JPH1: variants seen among roughly 807,000 people sequenced by gnomAD.
JPH1 encodes the protein junctophilin-1.
A neutral mutation model predicts 53.6 loss-of-function variants in JPH1; 12 were observed. The ratio of observed to expected loss-of-function variants is 0.22; its 90% CI spans 0.14 to 0.36. JPH1 has a LOEUF of 0.36. Ranked by LOEUF, JPH1 falls within the 10% of genes least tolerant of loss-of-function variation. JPH1 has a pLI of 1.00. For missense variants in JPH1, 808 were observed against 905.5 expected (o/e 0.89, Z 1.38); for synonymous variants, 375 against 363.8 (o/e 1.03, Z -0.35).
intron 2 of JPH1, among the ~76,000 whole-genome samples, chr8:74,310,920 T>C (rs1032864659): frequency 1.3e-5 from 2 of 152,190 alleles, no homozygotes; most frequent in African/African-American, 4.8e-5. Flanking sequence ...TGTTGTGATC[T>C]TGGGTAGAGC....
intron 4 of JPH1, among the ~76,000 whole-genome samples, chr8:74,239,963 T>C (rs570152697): frequency 8.5e-5 from 13 of 152,274 alleles, no homozygotes; most frequent in African/African-American, 2.6e-4. Context: ...ACAATCCAAT[T>C]ATACTCTTTT....
chr8:74,310,400 CT>C (rs1437960396), intron 2 of JPH1, among the ~76,000 whole-genome samples: 1 of 152,024 alleles, frequency 6.6e-6, no homozygotes, highest in Admixed American at 6.6e-5. Flanking sequence ...AACACAGTAC[CT>C]TTTGGAGCAG....
Position 74,320,805 on chromosome 8 carries a change from T to C in JPH1, c.379+104A>G. ...AGGCGCCCCCAGGTGTTTTGGCGGGTTTCCGGACACGTGCGCCCGGCGTCC... is the reference window on the plus strand; with the variant it reads ...AGGCGCCCCCAGGTGTTTTGGCGGGCTTCCGGACACGTGCGCCCGGCGTCC... On this transcript the variant is annotated intron_variant, in intron 1 of 5. Coordinates refer to ENST00000342232, the MANE Select transcript of JPH1 (RefSeq NM_020647.4). This position sits in a 1 kb window ranked among gnomAD's most constrained non-coding sequence, Gnocchi z 4.4. 1 of 1,304,410 alleles carries C rather than the reference T, an allele frequency of 7.7e-7. No homozygotes were observed. The highest frequency in any genetic ancestry group is 9.9e-7 in the Non-Finnish European group (1 of 1,011,650). The allele number at this position is 1,304,410 out of a possible 1,614,324, so 80.8% of individuals were successfully genotyped here.
chr8:74,272,600 CTTTT>C (rs765158506), intron 2 of JPH1, among the ~76,000 whole-genome samples: 2 of 112,682 alleles, frequency 1.8e-5, no homozygotes, highest in Admixed American at 9.4e-5. Context: ...ACCCTTAGTT[CTTTT>C]TTTTTTTTTT....
At chr8:74,263,188 C>A (rs1276450178) in intron 2 of JPH1, among the ~76,000 whole-genome samples, 1 of 152,168 alleles carries the variant, frequency 6.6e-6, no homozygotes, top group Non-Finnish European at 1.5e-5. Flanking sequence ...ACTCACATAG[C>A]TGATAAAGAT....
At chr8:74,280,361 T>C (rs1235134903) in intron 2 of JPH1, among the ~76,000 whole-genome samples, 1 of 152,194 alleles carries the variant, frequency 6.6e-6, no homozygotes, top group Non-Finnish European at 1.5e-5. Context: ...TGGGGGACTT[T>C]GCCATCCTCA....
chr8:74,300,782 CAA>C (rs1240236411), intron 2 of JPH1, among the ~76,000 whole-genome samples: 1 of 152,158 alleles, frequency 6.6e-6, no homozygotes, highest in Non-Finnish European at 1.5e-5. Context: ...GAGGAATTCA[CAA>C]AAGAGTAGAG....
intron 2 of JPH1, among the ~76,000 whole-genome samples, chr8:74,314,580 G>A (rs1389095986): frequency 6.6e-6 from 1 of 152,178 alleles, no homozygotes; most frequent in East Asian, 1.9e-4. Context: ...TGAGCACAGG[G>A]TCTCAGTGAA....
At chr8:74,274,389 A>G (rs183893455) in intron 2 of JPH1, among the ~76,000 whole-genome samples, 117 of 152,348 alleles carry the variant, frequency 7.7e-4, no homozygotes, top group Non-Finnish European at 1.4e-3. Flanking sequence ...TCAAAGACCA[A>G]TTTCCAGATA....
rs868725849 is a variant in JPH1 at position 74,244,385 on chromosome 8, T to A, written c.1905+144A>T. The A allele has an allele frequency of 8.6e-5, 69 of 801,156 alleles. No individual in the cohort carries two copies. In the African/African-American group the frequency reaches 1.0e-3, roughly 12 times the overall value. 49.6% of individuals were successfully genotyped at this position (801,156 alleles called of 1,614,324 possible). On this transcript the variant is annotated intron_variant, in intron 4 of 5. Coordinates refer to ENST00000342232, the MANE Select transcript of JPH1 (RefSeq NM_020647.4). ...GCTCTTTGCTGTCTCAAGCTACCAA[T>A]GTGTTATGTGCTGCTCTAAACAACC...
intron 2 of JPH1, 137 bp downstream of exon 2, chr8:74,314,724 T>C: frequency 1.0e-6 from 1 of 999,864 alleles, no homozygotes; most frequent in South Asian, 1.5e-5. Context: ...CTACTGAGTG[T>C]AATCATTTTT....
rs1808101637 is a variant in JPH1 at position 74,315,005 on chromosome 8, T to G, written c.995A>C (p.Lys332Thr). The change falls in exon 2 of 6, where the codon AAA becomes ACA. Residue 332 changes from lysine (K) to threonine (T), a missense_variant. Physicochemically the swap from Lys to Thr is moderately conservative, Grantham distance 78 (BLOSUM62 -1). Around this residue, in one of 2 missense-constraint regions of JPH1, gnomAD observed 756 missense variants for 811.9 expected, o/e 0.93. Coordinates refer to ENST00000342232, the MANE Select transcript of JPH1 (RefSeq NM_020647.4). This position sits in a 1 kb window ranked among gnomAD's most constrained non-coding sequence, Gnocchi z 6.3. ...TATCCCACGGACCAGAATATTATTT[T>G]TGTATTTTCCCTCTTCTTTGGAGCC... is the stretch of plus-strand genomic sequence containing the variant. The part of the protein sequence containing the change: ...PDGSKEEGKY[K>T]NNILVRGIRK... 2 of 1,614,260 alleles carry G rather than the reference T, an allele frequency of 1.2e-6. No individual in the cohort carries two copies. The highest frequency in any genetic ancestry group is 4.5e-5 in the East Asian group (2 of 44,890).
intron 2 of JPH1, among the ~76,000 whole-genome samples, chr8:74,295,618 T>C (rs1350756861): frequency 2.0e-5 from 3 of 152,130 alleles, no homozygotes; most frequent in Admixed American, 2.0e-4. Flanking sequence ...GCTTAACAGA[T>C]CTCATAGACA....
rs1030000629 is a variant in JPH1 at position 74,315,777 on chromosome 8, G to A, written c.380-157C>T. On this transcript the variant is annotated intron_variant, in intron 1 of 5. Coordinates refer to ENST00000342232, the MANE Select transcript of JPH1 (RefSeq NM_020647.4). The surrounding 1 kb of genome is among the most constrained non-coding windows in gnomAD (Gnocchi z 6.3). Reference sequence around the variant, plus strand: ...ACTTTGCATCCACTTGTGAATCCCCGCCCTGTAATTTTGGGTGTAAGGCTT... The same window carrying A: ...ACTTTGCATCCACTTGTGAATCCCCACCCTGTAATTTTGGGTGTAAGGCTT... Among the ~76,000 whole-genome samples the A allele has an allele frequency of 1.5e-4, 23 of 152,164 alleles. No homozygotes were observed. The highest frequency in any genetic ancestry group is 3.2e-4 in the Non-Finnish European group (22 of 68,038).
At chr8:74,276,426 T>C (rs1469240006) in intron 2 of JPH1, among the ~76,000 whole-genome samples, 1 of 152,210 alleles carries the variant, frequency 6.6e-6, no homozygotes, top group South Asian at 2.1e-4. Flanking sequence ...CAGGACAATA[T>C]ATAAAGGAGA....
intron 2 of JPH1, among the ~76,000 whole-genome samples, chr8:74,270,176 T>C (rs1055615850): frequency 6.6e-6 from 1 of 152,234 alleles, no homozygotes; most frequent in African/African-American, 2.4e-5. Context: ...AGGACAGATT[T>C]GGTTTTCATC....
chr8:74,292,150 T>G (rs980600930), intron 2 of JPH1, among the ~76,000 whole-genome samples: 2 of 152,162 alleles, frequency 1.3e-5, no homozygotes, highest in African/African-American at 2.4e-5. Context: ...GTTGTGCACA[T>G]GTACCCTAGA....
chr8:74,259,293 G>A, intron 3 of JPH1, 92 bp downstream of exon 3: 1 of 975,310 alleles, frequency 1.0e-6, no homozygotes, highest in Non-Finnish European at 1.6e-6. Flanking sequence ...TGGGATTCAG[G>A]AAGCACACAT....
chr8:74,245,319 G>T (rs1805826873), intron 3 of JPH1, 144 bp from the exon 4 acceptor site: 5 of 727,168 alleles, frequency 6.9e-6, no homozygotes, highest in Non-Finnish European at 8.1e-6. Flanking sequence ...CTGGGGAAAA[G>T]TTTATTTATT....
Sources: gnomAD v4.1 joint callset for allele counts (sites outside exome capture counted in the v4.1 genomes callset) on GRCh38, gnomAD v4.1.1 for gene constraint, gnomAD v4.1.1 regional missense constraint, Gnocchi (gnomAD v3.1) non-coding constraint, MANE v1.5 for transcripts, NCBI Gene and HGNC (gene_info 2026-07-23, HGNC 2026-07-21) for gene names.